Variants in BLM observed in about 807,000 individuals in gnomAD.
BLM encodes recQ-like DNA helicase BLM.
In BLM, 95 loss-of-function variants were observed where a neutral mutation model predicts 135.3. That is an observed-to-expected ratio of 0.70 (90% CI 0.59 to 0.83). The LOEUF is 0.83. Among genes scored for constraint, BLM ranks in the 40% least tolerant of loss-of-function variants. BLM has a pLI of 0.00. For missense variants in BLM, 1,518 were observed against 1,663.9 expected (o/e 0.91, Z 1.53); for synonymous variants, 520 against 589.2 (o/e 0.88, Z 1.70).
At chr15:90,735,031 A>G (rs1895173172) in intron 1 of BLM, among the ~76,000 whole-genome samples, 1 of 152,012 alleles carries the variant, frequency 6.6e-6, no homozygotes, top group South Asian at 2.1e-4. Context: ...AGTAGTCTTC[A>G]TATACACAAC....
chr15:90,809,772 A>G (rs905955780), intron 20 of BLM, among the ~76,000 whole-genome samples: 1 of 152,228 alleles, frequency 6.6e-6, no homozygotes, highest in Non-Finnish European at 1.5e-5. Flanking sequence ...TCATTATCAG[A>G]CGTTCCCGGA....
chr15:90,780,154 G>A (rs189919569), intron 12 of BLM, among the ~76,000 whole-genome samples: 2 of 150,476 alleles, frequency 1.3e-5, no homozygotes, highest in African/African-American at 4.9e-5. Context: ...GTGTGATGTC[G>A]GCTCACTGCA....
At chr15:90,796,820 T>A (rs1254774233) in intron 16 of BLM, among the ~76,000 whole-genome samples, 1 of 152,126 alleles carries the variant, frequency 6.6e-6, no homozygotes, top group South Asian at 2.1e-4. Flanking sequence ...GCTGAGGGTC[T>A]ATGAGAGGTA....
intron 2 of BLM, 80 bp from the exon 3 acceptor site, chr15:90,749,287 A>G: frequency 1.0e-6 from 1 of 982,814 alleles, no homozygotes; most frequent in Non-Finnish European, 1.5e-6. Flanking sequence ...TGTGTGAATT[A>G]GTTTAAAAAA....
chr15:90,809,365 C>A, intron 20 of BLM, 106 bp downstream of exon 20: 1 of 1,561,572 alleles, frequency 6.4e-7, no homozygotes, highest in Non-Finnish European at 8.8e-7. Flanking sequence ...TACACCTCGT[C>A]ACACTGACAT....
rs1334137414 is a variant in BLM, at chr15:90,751,840, A to G, written c.853A>G (p.Lys285Glu). The G allele has an allele frequency of 1.2e-6, 2 of 1,612,826 alleles. No homozygotes were observed. Among genetic ancestry groups the G allele is most frequent in the African/African-American group, 2.7e-5 (2 of 75,032 alleles). ...AGAAGCTGAATTACATTCAACTGAG[A>G]AAGTTCCATGTATTGAATTTGATGA... Reference protein sequence around the residue: ...LEEAELHSTEKVPCIEFDDDD... With the variant: ...LEEAELHSTEEVPCIEFDDDD... The change falls in exon 4 of 22, where the codon AAA (lysine) becomes GAA (glutamate). Residue 285 changes from lysine to glutamate, a missense_variant. Lys to Glu is a moderately conservative substitution (Grantham distance 56). Coordinates refer to ENST00000355112, the MANE Select transcript of BLM (RefSeq NM_000057.4).
chr15:90,787,145 G>A (rs985211616), intron 14 of BLM, among the ~76,000 whole-genome samples: 2 of 139,406 alleles, frequency 1.4e-5, no homozygotes, highest in Admixed American at 7.6e-5. Context: ...CGCCTCTCGG[G>A]TTCACGCCAT....
chr15:90,748,973 G>T (rs949370000), intron 2 of BLM, among the ~76,000 whole-genome samples: 2 of 151,964 alleles, frequency 1.3e-5, no homozygotes, highest in East Asian at 1.9e-4. Flanking sequence ...TGGCCAGGCT[G>T]GTCTCGAACT....
intron 5 of BLM, chr15:90,759,884 G>A (rs1471303464): frequency 8.2e-6 from 3 of 364,866 alleles, no homozygotes; most frequent in Non-Finnish European, 1.5e-5. Context: ...TGGGATTACA[G>A]GCGTGAGCCA....
At chr15:90,738,951 A>G (rs1895292111) in intron 1 of BLM, among the ~76,000 whole-genome samples, 1 of 152,220 alleles carries the variant, frequency 6.6e-6, no homozygotes, top group Admixed American at 6.5e-5. Context: ...ATAAATTACC[A>G]TATGATTCAG....
rs1243923870 is a variant in BLM, at chr15:90,803,519, A to G, written c.3359-2A>G. On this transcript the variant is annotated splice_acceptor_variant, in intron 17 of 21. Coordinates refer to ENST00000355112, the MANE Select transcript of BLM (RefSeq NM_000057.4). LOFTEE classifies it high-confidence loss of function. ...ATCTTACTTCCTGTATCTTCTTATC[A>G]GGGAGTAAGAGTGCAAAAATCCAGT... 10 of 1,611,032 alleles carry G rather than the reference A, an allele frequency of 6.2e-6. No homozygotes were observed. The highest frequency in any genetic ancestry group is 4.2e-6 in the Non-Finnish European group (5 of 1,177,326).
intron 1 of BLM, among the ~76,000 whole-genome samples, chr15:90,718,624 C>T (rs1029036907): frequency 6.6e-6 from 1 of 152,226 alleles, no homozygotes. Flanking sequence ...TACTGTCAGA[C>T]AGTAGCTTAT....
Position 90,811,215 on chromosome 15 carries a change from T to C in BLM, c.3885T>C (p.Ser1295=), listed in dbSNP as rs1336180171. Residue 1295 remains serine, a synonymous_variant, in exon 21 of 22, where the codon AGT becomes AGC. Transcript: ENST00000355112. ...YSEWTSPAED[S]SPGISLSSSR... ...ATTTTCCATTTGTAGCTGAAGACAG[T>C]TCCCCAGGGATAAGCCTGTCCAGCA... 8.1e-6 allele frequency: 13 copies of C among 1,613,232 alleles called. No individual in the cohort carries two copies. Among genetic ancestry groups the C allele is most frequent in the Non-Finnish European group, 1.1e-5 (13 of 1,180,028 alleles).
chr15:90,744,705 A>T (rs990137690), intron 1 of BLM, among the ~76,000 whole-genome samples: 1 of 150,228 alleles, frequency 6.7e-6, no homozygotes, highest in Admixed American at 6.6e-5. Context: ...CCAAATGGTG[A>T]AGTGCCCTAG....
intron 5 of BLM, among the ~76,000 whole-genome samples, chr15:90,759,613 C>G (rs1410840538): frequency 7.4e-6 from 1 of 135,346 alleles, no homozygotes; most frequent in African/African-American, 3.0e-5. Context: ...TTCTTTCTTT[C>G]TTTTTTTTGT....
chr15:90,751,699 G>A, intron 3 of BLM, 88 bp from the exon 4 acceptor site: 1 of 1,139,916 alleles, frequency 8.8e-7, no homozygotes, highest in South Asian at 1.3e-5. Flanking sequence ...TGACTTGCCA[G>A]AAGCACTCAT....
chr15:90,739,143 C>G (rs2151138848), intron 1 of BLM, among the ~76,000 whole-genome samples: 1 of 152,218 alleles, frequency 6.6e-6, no homozygotes. Flanking sequence ...CACTTGTAAT[C>G]CCAGCCCTTT....
In BLM at chr15:90,815,562, A is replaced by C; in HGVS notation, c.*283A>C. On this transcript the variant is annotated 3_prime_UTR_variant, in exon 22 of 22. Coordinates refer to ENST00000355112, the MANE Select transcript of BLM (RefSeq NM_000057.4). The surrounding 1 kb of genome is among the most constrained non-coding windows in gnomAD (Gnocchi z 4.6). Reference sequence around the variant, plus strand: ...GCAAGAGCTTCTGAGCATAACACGAAACCCAGAAGCCAAAGGAAGAGCCAC... The same window carrying C: ...GCAAGAGCTTCTGAGCATAACACGACACCCAGAAGCCAAAGGAAGAGCCAC... The C allele has an allele frequency of 2.3e-6, 1 of 435,298 alleles. No homozygotes were observed. The highest frequency in any genetic ancestry group is 4.1e-6 in the Non-Finnish European group (1 of 242,616). 27.0% of individuals were successfully genotyped at this position (435,298 alleles called of 1,614,324 possible). A position where few individuals can be genotyped will look rare whatever the true frequency, so the allele number is the denominator to read the frequency against.
At chr15:90,735,989 C>T (rs1160832735) in intron 1 of BLM, among the ~76,000 whole-genome samples, 1 of 152,112 alleles carries the variant, frequency 6.6e-6, no homozygotes, top group Admixed American at 6.6e-5. Context: ...TAAAAAGATT[C>T]AAAAACCATC....
Sources: gnomAD v4.1 joint callset for allele counts (sites outside exome capture counted in the v4.1 genomes callset) on GRCh38, gnomAD v4.1.1 for gene constraint, Gnocchi (gnomAD v3.1) non-coding constraint, MANE v1.5 for transcripts, NCBI Gene and HGNC (gene_info 2026-07-23, HGNC 2026-07-21) for gene names.